The following ART3 variants were observed in gnomAD, a reference collection of about 807,000 sequenced individuals.
ART3 encodes ecto-ADP-ribosyltransferase 3.
In ART3, 49 loss-of-function variants were observed where a neutral mutation model predicts 48.5. The ratio of observed to expected loss-of-function variants is 1.01; its 90% CI spans 0.80 to 1.28. The LOEUF is 1.28. Ranked by LOEUF, ART3 falls within the 50% of genes most tolerant of loss-of-function variation. The pLI, the probability that ART3 is intolerant of heterozygous loss-of-function variation, is 0.00. For synonymous variants in ART3, 145 were observed against 157.2 expected (o/e 0.92, Z 0.58); for missense variants, 438 against 454.3 (o/e 0.96, Z 0.33).
chr4:76,067,328 G>T (rs6830137), intron 1 of ART3, among the ~76,000 whole-genome samples: 27,199 of 152,126 alleles, frequency 0.18, 3,818 homozygotes, highest in African/African-American at 0.39. Flanking sequence ...GAAGATGCCC[G>T]CCAAGGGCAA....
chr4:76,019,344 A>G, intron 1 of ART3, among the ~76,000 whole-genome samples: 1 of 150,898 alleles, frequency 6.6e-6, no homozygotes, highest in East Asian at 2.0e-4. Context: ...AGTCATTATT[A>G]AAAAATAAAC....
In ART3 at chr4:76,011,924, T is replaced by A. The variant is rs977846227; in HGVS notation, c.-10+604T>A. The stretch of plus-strand genomic sequence containing the variant: ...CGTTGCATTTATGGCTAGACAAGGC[T>A]TTTAGGAGAAACAGAAACCTGATGA... On this transcript the variant is annotated intron_variant, in intron 1 of 9. Transcript: ENST00000341029. 2.0e-5 allele frequency among the ~76,000 whole-genome samples: 3 copies of A among 152,192 alleles called. No homozygotes were observed. In the East Asian group the frequency reaches 5.8e-4, roughly 29 times the overall value.
At chr4:76,021,252 T>C (rs886687487) in intron 1 of ART3, 1 of 152,244 alleles carries the variant, frequency 6.6e-6, no homozygotes, top group Non-Finnish European at 1.5e-5. Flanking sequence ...GCAGAGCATA[T>C]ATCTATCTGT....
At chr4:76,073,252 T>C (rs1720505539), upstream of ART3, among the ~76,000 whole-genome samples, 1 of 152,236 alleles carries the variant, frequency 6.6e-6, no homozygotes, top group Non-Finnish European at 1.5e-5. Context: ...AAAACAGGAA[T>C]GGAGGCCAGC....
At chr4:76,075,696 C>T (rs1025151048) in intron 1 of ART3, among the ~76,000 whole-genome samples, 185 bp from the exon 2 acceptor site, 2 of 152,076 alleles carry the variant, frequency 1.3e-5, no homozygotes, top group African/African-American at 4.8e-5. Context: ...AGAATGAGAG[C>T]ATTAGACCAC....
intron 11 of ART3, chr4:76,112,132 G>T (rs371473466): frequency 7.5e-6 from 3 of 400,974 alleles, no homozygotes; most frequent in South Asian, 5.9e-5. Flanking sequence ...TGGGAATCAG[G>T]TTACATGTAG....
In ART3 at chr4:76,082,082, C is replaced by A. The variant is rs752806770; in HGVS notation, c.328C>A (p.Pro110Thr). The change falls in exon 3 of 12, where the codon CCC (proline) becomes ACC (threonine). Residue 110 changes from proline (P) to threonine (T), a missense_variant. Pro to Thr is a conservative substitution (Grantham distance 38). Transcript: ENST00000355810. ...AYISEAQEQT[P>T]FYHLFSEAVK... ...TATTTCCGAAGCTCAAGAGCAAACT[C>A]CCTTTTACCATCTGTTCAGTGAAGC... 1 of 1,614,194 alleles carries A rather than the reference C, an allele frequency of 6.2e-7. No homozygotes were observed. Among genetic ancestry groups the A allele is most frequent in the Admixed American group, 1.7e-5 (1 of 60,030 alleles).
chr4:76,030,308 G>A (rs1442092529), intron 1 of ART3, among the ~76,000 whole-genome samples: 1 of 152,022 alleles, frequency 6.6e-6, no homozygotes, highest in South Asian at 2.1e-4. Flanking sequence ...CACCCGCCTC[G>A]GCCTCCCAAA....
At chr4:76,023,005 A>G (rs1733013720) in intron 1 of ART3, among the ~76,000 whole-genome samples, 1 of 152,218 alleles carries the variant, frequency 6.6e-6, no homozygotes, top group Non-Finnish European at 1.5e-5. Flanking sequence ...GAAGAAAAGA[A>G]TTGCAGCTTG....
At chr4:76,068,545 A>G (rs978606550) in intron 1 of ART3, among the ~76,000 whole-genome samples, 1 of 152,170 alleles carries the variant, frequency 6.6e-6, no homozygotes, top group African/African-American at 2.4e-5. Context: ...CAAATATCAC[A>G]TGTTACCACT....
intron 8 of ART3, among the ~76,000 whole-genome samples, chr4:76,103,411 G>A (rs933178153): frequency 7.2e-5 from 11 of 152,082 alleles, no homozygotes; most frequent in South Asian, 2.1e-4. Context: ...TGAGGAATGA[G>A]TTAGACAAGA....
chr4:76,089,637 C>A (rs6828078), intron 3 of ART3, among the ~76,000 whole-genome samples: 21,552 of 152,108 alleles, frequency 0.14, 2,222 homozygotes, highest in African/African-American at 0.28. Flanking sequence ...TCAGATATTT[C>A]TTTATAGCAG....
chr4:76,048,450 G>A lies in ART3; in HGVS notation c.-9-27431G>A, dbSNP rs1735722639. On this transcript the variant is annotated intron_variant, in intron 1 of 9. Transcript: ENST00000341029. The stretch of plus-strand genomic sequence containing the variant: ...GGCTTAGGATGCATTTCAAGGGTGA[G>A]CCTGTTGATGCATGAGTGTTTCCCA... Among the ~76,000 whole-genome samples the A allele has an allele frequency of 2.0e-5, 3 of 151,758 alleles. No homozygotes were observed. In the South Asian group the frequency reaches 6.2e-4, roughly 32 times the overall value.
intron 1 of ART3, among the ~76,000 whole-genome samples, chr4:76,063,013 T>A (rs1050259805): frequency 6.6e-6 from 1 of 152,162 alleles, no homozygotes; most frequent in Non-Finnish European, 1.5e-5. Flanking sequence ...TAAATTTCAC[T>A]CTCTCAGTGA....
intron 1 of ART3, chr4:76,021,469 G>T (rs1732803661): frequency 6.4e-6 from 1 of 157,010 alleles, no homozygotes; most frequent in African/African-American, 2.4e-5. Flanking sequence ...GCCACTGAAA[G>T]AATTTGGGCC....
At chr4:76,025,907 T>C (rs879862911) in intron 1 of ART3, among the ~76,000 whole-genome samples, 5 of 152,176 alleles carry the variant, frequency 3.3e-5, no homozygotes, top group African/African-American at 9.7e-5. Flanking sequence ...GGGGTACATA[T>C]GTAGCAGTGG....
At chr4:76,057,540 A>T (rs4550961) in intron 1 of ART3, among the ~76,000 whole-genome samples, 88,637 of 151,580 alleles carry the variant, frequency 0.58, 26,730 homozygotes, top group East Asian at 0.94. Context: ...AATGCTATCT[A>T]ACACTTATAT....
upstream of ART3, among the ~76,000 whole-genome samples, chr4:76,071,696 G>GT (rs1720333480): frequency 6.6e-6 from 1 of 152,026 alleles, no homozygotes; most frequent in Admixed American, 6.6e-5. Context: ...CCTTTCTTTT[G>GT]TAAGTATTTT....
intron 2 of ART3, among the ~76,000 whole-genome samples, chr4:76,080,436 G>A (rs1722203807): frequency 6.6e-6 from 1 of 152,170 alleles, no homozygotes; most frequent in Non-Finnish European, 1.5e-5. Context: ...CTTTGCATAT[G>A]TTCATTACAT....
Sources: gnomAD v4.1 joint callset for allele counts (sites outside exome capture counted in the v4.1 genomes callset) on GRCh38, gnomAD v4.1.1 for gene constraint, MANE v1.5 for transcripts, NCBI Gene and HGNC (gene_info 2026-07-23, HGNC 2026-07-21) for gene names.